MECR: variants seen among roughly 807,000 people sequenced by gnomAD.
MECR encodes mitochondrial trans-2-enoyl-CoA reductase.
Under a neutral mutation model 49.1 loss-of-function variants are expected in MECR, and 37 were observed. The ratio of observed to expected loss-of-function variants is 0.75; its 90% confidence interval spans 0.58 to 0.99. The LOEUF is 0.99. MECR is among the 50% of genes least tolerant of loss of function. MECR has a pLI of 0.00. For synonymous variants in MECR, 198 were observed against 191.1 expected (o/e 1.04, Z -0.30); for missense variants, 470 against 479.6 (o/e 0.98, Z 0.19).
intron 1 of MECR, among the ~76,000 whole-genome samples, chr1:29,222,820 G>C (rs1168303525): frequency 1.3e-5 from 2 of 152,030 alleles, no homozygotes; most frequent in Admixed American, 1.3e-4. Context: ...GCCTGGGGGT[G>C]GGGGGGTCCA....
downstream of MECR, among the ~76,000 whole-genome samples, chr1:29,192,063 C>T (rs1195083827): frequency 6.6e-6 from 1 of 151,894 alleles, no homozygotes; most frequent in Non-Finnish European, 1.5e-5. Flanking sequence ...TGCACACCAG[C>T]AAGGGCAACA....
chr1:29,197,227 C>T (rs1230130629), intron 7 of MECR, among the ~76,000 whole-genome samples: 1 of 152,192 alleles, frequency 6.6e-6, no homozygotes, highest in African/African-American at 2.4e-5. Context: ...CTGAGTTCAG[C>T]CTTGGCTCTG....
chr1:29,194,269 C>T (rs879143012), intron 9 of MECR, 90 bp from the exon 10 acceptor site: 2 of 1,376,786 alleles, frequency 1.5e-6, no homozygotes, highest in Non-Finnish European at 2.0e-6. Flanking sequence ...CAGGAGCTGG[C>T]ACCAAGCTCC....
chr1:29,216,405 CA>C (rs1347569938), intron 2 of MECR, among the ~76,000 whole-genome samples, 182 bp downstream of exon 2: 1 of 152,212 alleles, frequency 6.6e-6, no homozygotes, highest in African/African-American at 2.4e-5. Context: ...GCAATCTTCT[CA>C]AAAAGCCACA....
the MECR span, among the ~76,000 whole-genome samples, chr1:29,167,911 C>A: frequency 6.6e-6 from 1 of 151,834 alleles, no homozygotes; most frequent in African/African-American, 2.4e-5. Flanking sequence ...TTGGAGTAAG[C>A]AACTTGCTCA....
downstream of MECR, among the ~76,000 whole-genome samples, chr1:29,190,570 G>A (rs1222039500): frequency 1.3e-5 from 2 of 152,046 alleles, no homozygotes. Context: ...GAGGCCAGCG[G>A]ATCACCTGAG....
chr1:29,227,829 T>C (rs1022538769), intron 1 of MECR, among the ~76,000 whole-genome samples: 5 of 152,158 alleles, frequency 3.3e-5, no homozygotes, highest in Non-Finnish European at 7.3e-5. Context: ...AATCCCAGTC[T>C]CTGGCTTCAG....
the MECR span, among the ~76,000 whole-genome samples, chr1:29,185,988 G>GCACA: frequency 7.3e-5 from 11 of 151,698 alleles, no homozygotes; most frequent in Admixed American, 7.2e-4. Context: ...CCCATCACAT[G>GCACA]CACACACACA....
intron 7 of MECR, among the ~76,000 whole-genome samples, chr1:29,198,741 C>G (rs561693516): frequency 6.6e-6 from 1 of 152,244 alleles, no homozygotes; most frequent in Admixed American, 6.5e-5. Flanking sequence ...CTTAGCCTCC[C>G]AAGTAGCTGG....
rs1675221448 is a variant in MECR, at chr1:29,201,150, A to C, written c.757-561T>G. Among the ~76,000 whole-genome samples the C allele has an allele frequency of 6.6e-6, 1 of 152,218 alleles. No individual in the cohort carries two copies. On this transcript the variant is annotated intron_variant, in intron 6 of 9. Transcript: ENST00000263702. The surrounding 1 kb of genome is among the most constrained non-coding windows in gnomAD (Gnocchi z 4.3). ...CCTGTTGTCCATTTTAGGACCTGGC[A>C]GAACTCATCTTCTCTGGGAAAGAAT... is the stretch of plus-strand genomic sequence containing the variant.
chr1:29,187,594 C>G, the MECR span, among the ~76,000 whole-genome samples: 6 of 151,084 alleles, frequency 4.0e-5, no homozygotes, highest in Non-Finnish European at 7.4e-5. Context: ...ACACATTTAT[C>G]AAATTTTTTT....
chr1:29,197,819 C>A (rs1674361515), intron 7 of MECR, among the ~76,000 whole-genome samples: 1 of 152,244 alleles, frequency 6.6e-6, no homozygotes, highest in South Asian at 2.1e-4. Flanking sequence ...ATGTGCCAGG[C>A]ACAGTTCTAA....
chr1:29,221,227 C>A (rs1467454431), intron 1 of MECR: 1 of 152,034 alleles, frequency 6.6e-6, no homozygotes, highest in Non-Finnish European at 1.5e-5. Context: ...AAAAAAAATC[C>A]CCTTCTCAGG....
At chr1:29,219,616 T>C (rs1235035003) in intron 1 of MECR, among the ~76,000 whole-genome samples, 3 of 152,232 alleles carry the variant, frequency 2.0e-5, no homozygotes, top group Admixed American at 6.5e-5. Context: ...AGCCATTTCA[T>C]ACATTTTTTG....
intron 3 of MECR, among the ~76,000 whole-genome samples, chr1:29,208,149 C>A (rs530526385): frequency 2.0e-5 from 3 of 152,164 alleles, no homozygotes; most frequent in Admixed American, 6.5e-5. Context: ...CCTGCCACCA[C>A]GCCCGGCTAA....
chr1:29,181,822 ACGGCGGCAGCGG>A, the MECR span: 1 of 1,328,760 alleles, frequency 7.5e-7, no homozygotes, highest in Non-Finnish European at 9.8e-7. Context: ...AAGCGAGAGC[ACGGCGGCAGCGG>A]CGGCGGCGGC....
the MECR span, chr1:29,172,079 C>T: frequency 5.3e-5 from 8 of 151,910 alleles, no homozygotes; most frequent in Admixed American, 5.2e-4. Context: ...TTAAATTCCC[C>T]ATATATTGGG....
the MECR span, among the ~76,000 whole-genome samples, chr1:29,185,889 T>C: frequency 6.6e-6 from 1 of 151,986 alleles, no homozygotes; most frequent in Non-Finnish European, 1.5e-5. Flanking sequence ...GAGGCTGAGA[T>C]GGGGGGGATC....
intron 1 of MECR, among the ~76,000 whole-genome samples, chr1:29,225,891 G>A (rs1319962779): frequency 2.0e-5 from 3 of 152,102 alleles, no homozygotes; most frequent in Non-Finnish European, 2.9e-5. Context: ...TGGGTAGGCC[G>A]GGTGCCGTGG....
Sources: allele counts gnomAD v4.1 joint callset (sites outside exome capture counted in the v4.1 genomes callset), GRCh38; gene constraint gnomAD v4.1.1; non-coding constraint Gnocchi (gnomAD v3.1); transcripts MANE v1.5; gene names NCBI Gene and HGNC (gene_info 2026-07-23, HGNC 2026-07-21).